Variants in NEMP2 observed in about 807,000 individuals in gnomAD.
NEMP2 encodes nuclear envelope integral membrane protein 2.
Under a neutral mutation model 54.2 loss-of-function variants are expected in NEMP2, and 53 were observed. The ratio of observed to expected loss-of-function variants is 0.98; its 90% CI spans 0.78 to 1.23. The LOEUF (loss-of-function observed/expected upper bound fraction) is 1.23. NEMP2 is among the 50% of genes most tolerant of loss of function. The pLI, the probability that NEMP2 is intolerant of heterozygous loss-of-function variation, is 0.00. For missense variants in NEMP2, 455 were observed against 511.3 expected (o/e 0.89, Z 1.06); for synonymous variants, 197 against 190.3 (o/e 1.04, Z -0.29).
chr2:190,566,483 G>T, the NEMP2 span, among the ~76,000 whole-genome samples: 1 of 152,024 alleles, frequency 6.6e-6, no homozygotes, highest in Non-Finnish European at 1.5e-5. Context: ...AGCTGGGTGT[G>T]GTGGCTGAGG....
At chr2:190,430,788 G>A in the NEMP2 span, among the ~76,000 whole-genome samples, 28 of 151,376 alleles carry the variant, frequency 1.8e-4, no homozygotes, top group Non-Finnish European at 2.1e-4. Flanking sequence ...GCGGCCGGGC[G>A]GGCAGAGGCG....
At chr2:190,603,909 C>A in the NEMP2 span, among the ~76,000 whole-genome samples, 1 of 152,096 alleles carries the variant, frequency 6.6e-6, no homozygotes, top group Non-Finnish European at 1.5e-5. Context: ...ACCCTCCCAA[C>A]CATCCATACA....
chr2:190,523,367 AGG>A lies in NEMP2; in HGVS notation c.213+1894_213+1895del, dbSNP rs1690818720. 1.3e-5 allele frequency among the ~76,000 whole-genome samples: 2 copies of A among 152,230 alleles called. No individual in the cohort carries two copies. The highest frequency in any genetic ancestry group is 1.3e-4 in the Admixed American group (2 of 15,276). ...ACTACTTTTAGTGTATTCTGGGATT[AGG>A]CAAATAAATAAATATATTTGAGGAT... On this transcript the variant is annotated intron_variant, in intron 2 of 8. Coordinates refer to ENST00000409150, the MANE Select transcript of NEMP2 (RefSeq NM_001142645.2). The surrounding 1 kb of genome is among the most constrained non-coding windows in gnomAD (Gnocchi z 5.3).
the NEMP2 span, chr2:190,629,670 T>A: frequency 6.6e-6 from 1 of 152,222 alleles, no homozygotes; most frequent in African/African-American, 2.4e-5. Flanking sequence ...TCATCTTGTT[T>A]GAGCCCTAAT....
the NEMP2 span, chr2:190,607,947 G>A: frequency 2.0e-5 from 3 of 152,136 alleles, no homozygotes; most frequent in Non-Finnish European, 4.4e-5. This position sits in a 1 kb window ranked among gnomAD's most constrained non-coding sequence, Gnocchi z 5.2. Flanking sequence ...ACTCCTTATT[G>A]GTACTTTTGC....
chr2:190,428,167 C>T, the NEMP2 span, among the ~76,000 whole-genome samples: 1 of 152,182 alleles, frequency 6.6e-6, no homozygotes, highest in Non-Finnish European at 1.5e-5. Flanking sequence ...ATCCTTGTCA[C>T]TGCATGTAGT....
In NEMP2 at chr2:190,525,443, AG is replaced by A; in HGVS notation, c.98-66del. On this transcript the variant is annotated intron_variant, in intron 1 of 8. Coordinates refer to ENST00000409150, the MANE Select transcript of NEMP2 (RefSeq NM_001142645.2). The surrounding 1 kb of genome is among the most constrained non-coding windows in gnomAD (Gnocchi z 5.0). Reference sequence around the variant, plus strand: ...ATTGCCCAGAATCTTTTTTAAAAAAAGTTTGCAGGGAGGTAACAGTAGCAGT... The same window carrying A: ...ATTGCCCAGAATCTTTTTTAAAAAAATTTGCAGGGAGGTAACAGTAGCAGT... 1 of 939,192 alleles carries A rather than the reference AG, an allele frequency of 1.1e-6. No homozygotes were observed. Among genetic ancestry groups the A allele is most frequent in the Non-Finnish European group, 1.6e-6 (1 of 621,812 alleles). 58.2% of individuals were successfully genotyped at this position (939,192 alleles called of 1,614,324 possible). A position where few individuals can be genotyped will look rare whatever the true frequency, so the allele number is the denominator to read the frequency against.
the NEMP2 span, chr2:190,437,309 C>T: frequency 6.2e-7 from 1 of 1,614,236 alleles, no homozygotes; most frequent in East Asian, 2.2e-5. The surrounding 1 kb of genome is among the most constrained non-coding windows in gnomAD (Gnocchi z 5.9). Flanking sequence ...CCAACCACCA[C>T]AAGCCACTCG....
chr2:190,443,613 C>T, the NEMP2 span, among the ~76,000 whole-genome samples: 1 of 152,182 alleles, frequency 6.6e-6, no homozygotes, highest in Non-Finnish European at 1.5e-5. The surrounding 1 kb of genome is among the most constrained non-coding windows in gnomAD (Gnocchi z 4.2). Flanking sequence ...CCCCCTTAAA[C>T]ATCTTAGTCA....
At chr2:190,635,255 C>T in the NEMP2 span, among the ~76,000 whole-genome samples, 1 of 152,210 alleles carries the variant, frequency 6.6e-6, no homozygotes, top group South Asian at 2.1e-4. The surrounding 1 kb of genome is among the most constrained non-coding windows in gnomAD (Gnocchi z 4.1). Context: ...CTTGCTCTGT[C>T]ACCCAGAATG....
chr2:190,436,847 A>G, the NEMP2 span: 1 of 1,614,236 alleles, frequency 6.2e-7, no homozygotes, highest in Non-Finnish European at 8.5e-7. This position sits in a 1 kb window ranked among gnomAD's most constrained non-coding sequence, Gnocchi z 5.3. Context: ...TTACCTTCTG[A>G]CCAAGTCATG....
chr2:190,423,127 A>G, the NEMP2 span, among the ~76,000 whole-genome samples: 3 of 152,218 alleles, frequency 2.0e-5, no homozygotes, highest in African/African-American at 7.2e-5. This position sits in a 1 kb window ranked among gnomAD's most constrained non-coding sequence, Gnocchi z 4.3. Context: ...GCAATGTCCC[A>G]TGTATCCTGT....
chr2:190,454,549 C>T, the NEMP2 span: 13 of 152,208 alleles, frequency 8.5e-5, no homozygotes, highest in African/African-American at 3.1e-4. This position sits in a 1 kb window ranked among gnomAD's most constrained non-coding sequence, Gnocchi z 4.6. Context: ...CCCTCTTCCC[C>T]TCTGCCGCCC....
At chr2:190,534,739 G>A (rs1691308876), upstream of NEMP2, 8 of 1,035,980 alleles carry the variant, frequency 7.7e-6, no homozygotes, top group Non-Finnish European at 8.7e-6. Flanking sequence ...GGGGCTCAGA[G>A]AAGGCGGAGG....
At chr2:190,575,159 C>CT in the NEMP2 span, among the ~76,000 whole-genome samples, 1 of 151,844 alleles carries the variant, frequency 6.6e-6, no homozygotes, top group African/African-American at 2.4e-5. Context: ...CCAGCCGACT[C>CT]TGTTTCTTTT....
the NEMP2 span, among the ~76,000 whole-genome samples, chr2:190,587,695 G>T: frequency 1.3e-5 from 2 of 152,126 alleles, no homozygotes; most frequent in Non-Finnish European, 2.9e-5. This position sits in a 1 kb window ranked among gnomAD's most constrained non-coding sequence, Gnocchi z 5.4. Flanking sequence ...ATGGCCAGCT[G>T]GGGAATAAAT....
intron 1 of NEMP2, among the ~76,000 whole-genome samples, chr2:190,526,332 T>C (rs1690933701): frequency 6.6e-6 from 1 of 152,076 alleles, no homozygotes; most frequent in African/African-American, 2.4e-5. Context: ...ATGAAGCCCA[T>C]ATAATGCAGT....
chr2:190,461,465 T>G, the NEMP2 span, among the ~76,000 whole-genome samples: 1 of 152,226 alleles, frequency 6.6e-6, no homozygotes, highest in Non-Finnish European at 1.5e-5. The surrounding 1 kb of genome is among the most constrained non-coding windows in gnomAD (Gnocchi z 5.5). Context: ...TCACTTCCTT[T>G]TTCTGACATA....
the NEMP2 span, among the ~76,000 whole-genome samples, chr2:190,619,714 T>C: frequency 6.6e-6 from 1 of 152,172 alleles, no homozygotes; most frequent in African/African-American, 2.4e-5. This position sits in a 1 kb window ranked among gnomAD's most constrained non-coding sequence, Gnocchi z 5.5. Context: ...TTTTTCATTC[T>C]GCTATCTAAG....
Sources: allele counts gnomAD v4.1 joint callset (sites outside exome capture counted in the v4.1 genomes callset), GRCh38; gene constraint gnomAD v4.1.1; non-coding constraint Gnocchi (gnomAD v3.1); transcripts MANE v1.5; gene names NCBI Gene and HGNC (gene_info 2026-07-23, HGNC 2026-07-21).